Variants in PPP1R12A observed in about 807,000 individuals in gnomAD.
The protein encoded by PPP1R12A is protein phosphatase 1 regulatory subunit 12A, also known as myosin binding subunit.
PPP1R12A carries 19 observed loss-of-function variants against 139.6 expected under a neutral mutation model. That is an observed-to-expected ratio of 0.14 (90% CI 0.09 to 0.20). The LOEUF (loss-of-function observed/expected upper bound fraction) is 0.20. Among genes scored for constraint, PPP1R12A ranks in the 10% least tolerant of loss-of-function variants. The probability of loss-of-function intolerance (pLI) is 1.00; values close to 1 mark genes in which losing one functional copy is unlikely to be tolerated. For missense variants in PPP1R12A, 925 were observed against 1,211.5 expected, an observed-to-expected ratio of 0.76 and a Z score of 3.51; for synonymous variants, 427 against 420.6, an observed-to-expected ratio of 1.02 and a Z score of -0.19.
At chr12:79,874,461 A>G (rs1342236557) in intron 1 of PPP1R12A, among the ~76,000 whole-genome samples, 1 of 152,130 alleles carries the variant, frequency 6.6e-6, no homozygotes, top group African/African-American at 2.4e-5. Flanking sequence ...AATACATACA[A>G]CCAAGAAAAA....
chr12:79,795,767 G>A lies in PPP1R12A; in HGVS notation c.2462-8C>T, dbSNP rs1592625343. 3.1e-6 allele frequency: 5 copies of A among 1,606,208 alleles called. 1 individual carries two copies. The highest frequency in any genetic ancestry group is 8.5e-7 in the Non-Finnish European group (1 of 1,176,560). On this transcript the variant is annotated splice_polypyrimidine_tract_variant and splice_region_variant and intron_variant, in intron 17 of 24. Coordinates refer to ENST00000450142, the MANE Select transcript of PPP1R12A (RefSeq NM_002480.3). ...CTTCTCTTTTTTCTCCCTCTGTTAA[G>A]GATTGCAATGAACCACAATATAGCA...
intron 9 of PPP1R12A, among the ~76,000 whole-genome samples, chr12:79,812,930 G>A (rs1874796395): frequency 6.6e-6 from 1 of 152,020 alleles, no homozygotes; most frequent in African/African-American, 2.4e-5. Context: ...TAAGCCCAGA[G>A]TCACTTCTCT....
chr12:79,888,990 A>C (rs1884358460), intron 1 of PPP1R12A, among the ~76,000 whole-genome samples: 1 of 152,222 alleles, frequency 6.6e-6, no homozygotes, highest in African/African-American at 2.4e-5. Flanking sequence ...ACATGTGCAA[A>C]ATGACATGTA....
intron 6 of PPP1R12A, among the ~76,000 whole-genome samples, chr12:79,821,496 T>G (rs183785308): frequency 6.8e-4 from 104 of 152,274 alleles, no homozygotes; most frequent in African/African-American, 2.4e-3. Context: ...CTCACACCTG[T>G]AATCCTAGCA....
chr12:79,795,762 G>A lies in PPP1R12A; in HGVS notation c.2462-3C>T. 3.7e-6 allele frequency: 6 copies of A among 1,607,958 alleles called. No homozygotes were observed. Among genetic ancestry groups the A allele is most frequent in the Non-Finnish European group, 5.1e-6 (6 of 1,177,382 alleles). On this transcript the variant is annotated splice_polypyrimidine_tract_variant and splice_region_variant and intron_variant, in intron 17 of 24. Transcript: ENST00000450142. ...CTCCTCTTCTCTTTTTTCTCCCTCT[G>A]TTAAGGATTGCAATGAACCACAATA...
At chr12:79,777,736 T>G in intron 24 of PPP1R12A, 9 of 760,964 alleles carry the variant, frequency 1.2e-5, no homozygotes, top group African/African-American at 1.9e-5. Flanking sequence ...CACAGGTAAT[T>G]TTTTAAAAAT....
intron 17 of PPP1R12A, among the ~76,000 whole-genome samples, chr12:79,796,264 G>A (rs1016564190): frequency 3.9e-5 from 6 of 151,984 alleles, no homozygotes; most frequent in African/African-American, 1.4e-4. Context: ...TAAATAGAAA[G>A]TTTATATAAA....
At chr12:79,820,646 T>G (rs1875988964) in intron 8 of PPP1R12A, 128 bp downstream of exon 8, 16 of 865,882 alleles carry the variant, frequency 1.8e-5, no homozygotes, top group Non-Finnish European at 2.7e-5. Flanking sequence ...TGAAAGATAA[T>G]TTAGTAGTGT....
intron 14 of PPP1R12A, among the ~76,000 whole-genome samples, chr12:79,800,926 G>C (rs1873050890): frequency 6.6e-6 from 1 of 151,328 alleles, no homozygotes; most frequent in Admixed American, 6.6e-5. Context: ...GTAGAGACGG[G>C]GTTTCACCCT....
intron 1 of PPP1R12A, among the ~76,000 whole-genome samples, chr12:79,888,227 G>C (rs1884281182): frequency 6.6e-6 from 1 of 152,106 alleles, no homozygotes; most frequent in Non-Finnish European, 1.5e-5. Flanking sequence ...TATGATAAAT[G>C]CTATGGATTT....
intron 1 of PPP1R12A, among the ~76,000 whole-genome samples, chr12:79,930,045 G>C (rs1228517206): frequency 6.6e-6 from 1 of 152,174 alleles, no homozygotes; most frequent in East Asian, 1.9e-4. Flanking sequence ...GGAAGATTAG[G>C]TCCTCAGAGG....
intron 1 of PPP1R12A, among the ~76,000 whole-genome samples, chr12:79,922,695 G>A (rs1887530863): frequency 6.6e-6 from 1 of 152,090 alleles, no homozygotes; most frequent in Admixed American, 6.6e-5. Context: ...GGGGCTCAGG[G>A]GCAAGGGTAG....
chr12:79,800,733 CTT>C (rs34522404), intron 14 of PPP1R12A, among the ~76,000 whole-genome samples: 70 of 137,046 alleles, frequency 5.1e-4, no homozygotes, highest in Middle Eastern at 3.9e-3. Context: ...TCAAATGCTA[CTT>C]TTTTTTTTTT....
intron 2 of PPP1R12A, among the ~76,000 whole-genome samples, chr12:79,869,198 C>T (rs915331989): frequency 6.6e-6 from 1 of 152,152 alleles, no homozygotes; most frequent in Non-Finnish European, 1.5e-5. Flanking sequence ...GTATGAAGAG[C>T]CATCATTCAT....
At chr12:79,831,869 T>C (rs1029550836) in intron 4 of PPP1R12A, among the ~76,000 whole-genome samples, 1 of 152,222 alleles carries the variant, frequency 6.6e-6, no homozygotes, top group Non-Finnish European at 1.5e-5. Flanking sequence ...AGTGTGCTAA[T>C]AGTACTAAGT....
chr12:79,841,145 C>A (rs1055331615), intron 3 of PPP1R12A, among the ~76,000 whole-genome samples: 1 of 151,818 alleles, frequency 6.6e-6, no homozygotes. Context: ...CTTACAGTAA[C>A]CTTGTACTCC....
intron 3 of PPP1R12A, among the ~76,000 whole-genome samples, chr12:79,840,082 G>T (rs764493981): frequency 2.0e-5 from 3 of 152,104 alleles, no homozygotes; most frequent in Non-Finnish European, 4.4e-5. Flanking sequence ...TGGTACAGTG[G>T]TACAGAATGT....
intron 1 of PPP1R12A, among the ~76,000 whole-genome samples, chr12:79,922,093 A>C (rs1027517193): frequency 2.0e-5 from 3 of 152,098 alleles, no homozygotes; most frequent in Admixed American, 6.5e-5. Flanking sequence ...TCTACTACTA[A>C]TAATAATGAT....
intron 1 of PPP1R12A, among the ~76,000 whole-genome samples, chr12:79,874,274 C>CA (rs764069282): frequency 0.025 from 2,118 of 85,186 alleles, 51 homozygotes; most frequent in African/African-American, 0.082. Flanking sequence ...ACTCCGTCTC[C>CA]AAAAAAAAAA....
Sources: gnomAD v4.1 joint callset for allele counts (sites outside exome capture counted in the v4.1 genomes callset) on GRCh38, gnomAD v4.1.1 for gene constraint, MANE v1.5 for transcripts, NCBI Gene and HGNC (gene_info 2026-07-23, HGNC 2026-07-21) for gene names.